The following ARHGAP26 variants were observed in gnomAD, a reference collection of about 807,000 sequenced individuals.
The protein encoded by ARHGAP26 is rho GTPase-activating protein 26.
A neutral mutation model predicts 104.8 loss-of-function variants in ARHGAP26; 38 were observed. That is an observed-to-expected ratio of 0.36 (90% CI 0.28 to 0.48). ARHGAP26 has a LOEUF of 0.48. ARHGAP26 is among the 20% of genes least tolerant of loss of function. The pLI is 0.99. For synonymous variants in ARHGAP26, 341 were observed against 340.0 expected (o/e 1.00, Z -0.03); for missense variants, 704 against 947.9 (o/e 0.74, Z 3.38).
rs528375361 is a variant in ARHGAP26, at chr5:143,208,211, G to A, written c.2099+903G>A. The stretch of plus-strand genomic sequence containing the variant: ...GAAAAAAAAAGAGCTCTTTACAACC[G>A]GGAAAAGAACGAATAGGGATCCTGC... On this transcript the variant is annotated intron_variant, in intron 21 of 22. Transcript: ENST00000645722. 3.9e-5 allele frequency among the ~76,000 whole-genome samples: 6 copies of A among 152,192 alleles called. No individual in the cohort carries two copies. The South Asian group carries it at 1.0e-3, about 26-fold the overall frequency.
chr5:142,774,509 A>G (rs1481282248), intron 1 of ARHGAP26, among the ~76,000 whole-genome samples: 1 of 151,922 alleles, frequency 6.6e-6, no homozygotes, highest in African/African-American at 2.4e-5. Context: ...TGTCCCTTCC[A>G]GTTGCCCCTA....
At chr5:142,776,204 C>G (rs1036580453) in intron 1 of ARHGAP26, among the ~76,000 whole-genome samples, 2 of 152,100 alleles carry the variant, frequency 1.3e-5, no homozygotes, top group Non-Finnish European at 2.9e-5. Flanking sequence ...AACTCCTGGT[C>G]TCAGGTGATC....
rs894513777 is a variant in ARHGAP26, at chr5:143,226,711, A to T, written c.*4265A>T. The T allele has an allele frequency of 9.2e-6, 2 of 217,436 alleles. No homozygotes were observed. The highest frequency in any genetic ancestry group is 1.8e-5 in the Non-Finnish European group (2 of 108,278). 13.5% of individuals were successfully genotyped at this position (217,436 alleles called of 1,614,324 possible). A position where few individuals can be genotyped will look rare whatever the true frequency, so the allele number is the denominator to read the frequency against. On this transcript the variant is annotated 3_prime_UTR_variant, in exon 23 of 23. Coordinates refer to ENST00000645722, the MANE Select transcript of ARHGAP26 (RefSeq NM_001135608.3). ...AATGTCTGAAGTATTTATACGGCCAATATGTGTTTTCTTATGTCAGACCAC... is the reference window on the plus strand; with the variant it reads ...AATGTCTGAAGTATTTATACGGCCATTATGTGTTTTCTTATGTCAGACCAC...
chr5:143,067,681 T>A (rs246650), intron 17 of ARHGAP26, among the ~76,000 whole-genome samples: 7,434 of 152,222 alleles, frequency 0.049, 362 homozygotes, highest in African/African-American at 0.12. Context: ...AAATGTTGGG[T>A]CTTGTTGGTG....
At chr5:142,852,200 G>A (rs939065222) in intron 1 of ARHGAP26, among the ~76,000 whole-genome samples, 3 of 152,232 alleles carry the variant, frequency 2.0e-5, no homozygotes, top group African/African-American at 7.2e-5. Flanking sequence ...AGGTAGTTTG[G>A]CCTGCAGGGC....
intron 17 of ARHGAP26, among the ~76,000 whole-genome samples, chr5:143,111,389 G>A (rs1256920840): frequency 1.3e-5 from 2 of 152,120 alleles, no homozygotes; most frequent in African/African-American, 4.8e-5. Flanking sequence ...AGACTTTTTG[G>A]TCTCAAATTC....
chr5:142,869,419 C>T (rs938961561), intron 1 of ARHGAP26, among the ~76,000 whole-genome samples: 4 of 151,786 alleles, frequency 2.6e-5, no homozygotes, highest in Non-Finnish European at 5.9e-5. Context: ...TGAGGTTTCA[C>T]TATGTTGGCC....
At chr5:143,008,915 G>T (rs1435412832) in intron 11 of ARHGAP26, among the ~76,000 whole-genome samples, 1 of 152,186 alleles carries the variant, frequency 6.6e-6, no homozygotes, top group Non-Finnish European at 1.5e-5. Context: ...TGGCTCAGCA[G>T]TGAACAGAAT....
chr5:143,012,576 T>TATATATATA (rs1554195628), intron 11 of ARHGAP26, among the ~76,000 whole-genome samples: 42 of 56,962 alleles, frequency 7.4e-4, no homozygotes, highest in Non-Finnish European at 1.7e-3. Flanking sequence ...TATATATATA[T>TATATATATA]TATGATCAGG....
chr5:143,160,098 C>T (rs1190790253), intron 20 of ARHGAP26, among the ~76,000 whole-genome samples: 1 of 143,120 alleles, frequency 7.0e-6, no homozygotes, highest in Non-Finnish European at 1.5e-5. Flanking sequence ...CTCGCTCTGT[C>T]ACCCAGGCTG....
At chr5:143,090,193 C>T (rs927938746) in intron 17 of ARHGAP26, among the ~76,000 whole-genome samples, 6 of 152,204 alleles carry the variant, frequency 3.9e-5, no homozygotes, top group South Asian at 2.1e-4. Flanking sequence ...AGAGAGAGAG[C>T]GTGGCATGAC....
At chr5:142,984,958 C>T (rs1042441154) in intron 11 of ARHGAP26, among the ~76,000 whole-genome samples, 1 of 151,942 alleles carries the variant, frequency 6.6e-6, no homozygotes, top group Non-Finnish European at 1.5e-5. Context: ...TAAACAAGAC[C>T]TTCAGGCGGT....
chr5:143,095,365 A>C (rs2150565320), intron 17 of ARHGAP26, among the ~76,000 whole-genome samples: 1 of 152,314 alleles, frequency 6.6e-6, no homozygotes, highest in East Asian at 1.9e-4. Flanking sequence ...CTATATTCTT[A>C]ACTCAGCAGT....
At chr5:143,209,313 C>T (rs186278465) in intron 21 of ARHGAP26, among the ~76,000 whole-genome samples, 165 of 152,278 alleles carry the variant, frequency 1.1e-3, no homozygotes, top group Admixed American at 3.3e-3. Flanking sequence ...TTTTTCCTTC[C>T]TACTTCTTCC....
chr5:143,184,485 G>A (rs1804849952), intron 20 of ARHGAP26, among the ~76,000 whole-genome samples: 1 of 152,160 alleles, frequency 6.6e-6, no homozygotes. Context: ...TGTGCAGCAT[G>A]TGTGTATCTA....
intron 1 of ARHGAP26, among the ~76,000 whole-genome samples, chr5:142,807,201 C>A (rs1451567604): frequency 6.6e-6 from 1 of 152,194 alleles, no homozygotes; most frequent in African/African-American, 2.4e-5. Context: ...AGGCATGATG[C>A]AATTTGATCC....
intron 11 of ARHGAP26, among the ~76,000 whole-genome samples, chr5:142,999,463 G>C (rs184860075): frequency 6.6e-6 from 1 of 152,244 alleles, no homozygotes; most frequent in East Asian, 1.9e-4. Flanking sequence ...AGAGGAGAGT[G>C]AGGCGGGTTA....
intron 1 of ARHGAP26, among the ~76,000 whole-genome samples, chr5:142,806,549 T>C (rs775413326): frequency 4.6e-5 from 7 of 152,070 alleles, no homozygotes; most frequent in Non-Finnish European, 1.0e-4. Context: ...ATCTGGGGAC[T>C]ACTTCTCCAA....
chr5:142,838,039 A>G (rs534707405), intron 1 of ARHGAP26, among the ~76,000 whole-genome samples: 1 of 152,190 alleles, frequency 6.6e-6, no homozygotes, highest in African/African-American at 2.4e-5. Flanking sequence ...CAGGTGGATC[A>G]CCTGAGGTCA....
Sources: gnomAD v4.1 joint callset for allele counts (sites outside exome capture counted in the v4.1 genomes callset) on GRCh38, gnomAD v4.1.1 for gene constraint, MANE v1.5 for transcripts, NCBI Gene and HGNC (gene_info 2026-07-23, HGNC 2026-07-21) for gene names.